The following NXPE2 variants were observed in gnomAD, a reference collection of about 807,000 sequenced individuals.
NXPE2 encodes the protein neurexophilin and PC-esterase domain family member 2.
A neutral mutation model predicts 34.4 loss-of-function variants in NXPE2; 34 were observed. The observed-to-expected ratio is 0.99, with a 90% CI of 0.75 to 1.31. NXPE2 has a LOEUF of 1.31. NXPE2 is among the 40% of genes most tolerant of loss of function. The pLI is 0.00. For synonymous variants in NXPE2, 235 were observed against 231.3 expected (o/e 1.02, Z -0.15); for missense variants, 649 against 672.5 (o/e 0.97, Z 0.39).
At chr11:114,547,123 C>T in the NXPE2 span, among the ~76,000 whole-genome samples, 2 of 152,060 alleles carry the variant, frequency 1.3e-5, no homozygotes, top group African/African-American at 4.8e-5. Flanking sequence ...TGAAAGAGTA[C>T]AGTAAAGAGC....
At chr11:114,661,262 TA>T in the NXPE2 span, among the ~76,000 whole-genome samples, 1 of 152,168 alleles carries the variant, frequency 6.6e-6, no homozygotes, top group Non-Finnish European at 1.5e-5. Flanking sequence ...TTTTAAAATT[TA>T]TGTTGAAAGG....
At chr11:114,744,147 T>C in the NXPE2 span, among the ~76,000 whole-genome samples, 1 of 152,184 alleles carries the variant, frequency 6.6e-6, no homozygotes, top group Non-Finnish European at 1.5e-5. Flanking sequence ...ATGTGGTCTT[T>C]GGTATTCACT....
chr11:114,767,482 C>T, the NXPE2 span, among the ~76,000 whole-genome samples: 3 of 152,186 alleles, frequency 2.0e-5, no homozygotes, highest in Non-Finnish European at 4.4e-5. Flanking sequence ...CTTGCAGTTT[C>T]CATTCGCCAA....
the NXPE2 span, among the ~76,000 whole-genome samples, chr11:114,592,618 C>G: frequency 1.3e-5 from 2 of 152,114 alleles, no homozygotes; most frequent in African/African-American, 4.8e-5. Context: ...AAGCAATCTA[C>G]AGATTCAAGG....
rs114674898 is a variant in NXPE2, at chr11:114,682,864, T to C, written c.132+3102T>C. On this transcript the variant is annotated intron_variant, in intron 2 of 5. Transcript: ENST00000389586. ...CCTGAGGAGGAAAAAAAAAAACTTA[T>C]AGGAACTGAAAATGAGTTGAAGGGT... is the stretch of plus-strand genomic sequence containing the variant. 9.1e-3 allele frequency among the ~76,000 whole-genome samples: 1,379 copies of C among 151,538 alleles called. 19 individuals are homozygous for C. The highest frequency in any genetic ancestry group is 0.032 in the African/African-American group (1,321 of 41,372).
At chr11:114,503,151 T>C in the NXPE2 span, among the ~76,000 whole-genome samples, 1 of 150,282 alleles carries the variant, frequency 6.7e-6, no homozygotes, top group Non-Finnish European at 1.5e-5. Flanking sequence ...TATTTGGGGG[T>C]GTAAGTCCTG....
chr11:114,578,012 T>C, the NXPE2 span, among the ~76,000 whole-genome samples: 75 of 152,338 alleles, frequency 4.9e-4, 1 homozygote, highest in African/African-American at 1.7e-3. Context: ...GACACATGAA[T>C]AGAATAAAAT....
the NXPE2 span, among the ~76,000 whole-genome samples, chr11:114,548,882 A>G: frequency 3.3e-5 from 5 of 151,978 alleles, no homozygotes; most frequent in Non-Finnish European, 7.4e-5. Context: ...GAAAGAATAA[A>G]AAATAAAAAA....
the NXPE2 span, among the ~76,000 whole-genome samples, chr11:114,526,901 A>T: frequency 6.6e-6 from 1 of 152,116 alleles, no homozygotes. Context: ...TAAATCCAGC[A>T]ACACTACCCA....
chr11:114,696,030 A>G (rs73564321), intron 2 of NXPE2, among the ~76,000 whole-genome samples: 5,546 of 151,536 alleles, frequency 0.037, 342 homozygotes, highest in African/African-American at 0.12. Context: ...TTAAGAAAAA[A>G]AAGAAGAAGA....
the NXPE2 span, among the ~76,000 whole-genome samples, chr11:114,767,982 A>G: frequency 6.6e-6 from 1 of 152,136 alleles, no homozygotes. Context: ...TAATAATAGT[A>G]AAAAATGATG....
chr11:114,781,222 C>T, the NXPE2 span, among the ~76,000 whole-genome samples: 1 of 152,176 alleles, frequency 6.6e-6, no homozygotes, highest in African/African-American at 2.4e-5. Context: ...CTTCCCCTAC[C>T]TCCTGAACCT....
At chr11:114,632,027 A>G in the NXPE2 span, among the ~76,000 whole-genome samples, 1 of 146,894 alleles carries the variant, frequency 6.8e-6, no homozygotes, top group African/African-American at 2.5e-5. Flanking sequence ...TAATAATTAT[A>G]CTTTATATAT....
chr11:114,584,754 C>T, the NXPE2 span: 1 of 152,690 alleles, frequency 6.5e-6, no homozygotes, highest in Non-Finnish European at 1.5e-5. Context: ...CTCCCAAACC[C>T]TCAGATTTTA....
the NXPE2 span, among the ~76,000 whole-genome samples, chr11:114,739,056 A>G: frequency 6.6e-6 from 1 of 152,216 alleles, no homozygotes; most frequent in African/African-American, 2.4e-5. Context: ...TAACAACTCT[A>G]TAATTCCAAG....
At chr11:114,748,269 G>T in the NXPE2 span, among the ~76,000 whole-genome samples, 3 of 152,136 alleles carry the variant, frequency 2.0e-5, no homozygotes, top group African/African-American at 7.2e-5. Context: ...TTGCCTATGT[G>T]TTGCTCCTTT....
chr11:114,689,151 T>C (rs991896554), intron 2 of NXPE2, among the ~76,000 whole-genome samples: 1 of 152,066 alleles, frequency 6.6e-6, no homozygotes, highest in Admixed American at 6.6e-5. Context: ...AGTTCTTGTT[T>C]TTCTATTTCC....
chr11:114,784,753 T>C, the NXPE2 span, among the ~76,000 whole-genome samples: 1 of 152,184 alleles, frequency 6.6e-6, no homozygotes, highest in Non-Finnish European at 1.5e-5. Flanking sequence ...AAGATTCCTC[T>C]GAGGCAAAGA....
At chr11:114,683,622 T>C (rs1282868314) in intron 2 of NXPE2, among the ~76,000 whole-genome samples, 1 of 152,190 alleles carries the variant, frequency 6.6e-6, no homozygotes, top group African/African-American at 2.4e-5. Context: ...GGTTTCACCA[T>C]GTTGGCCAGG....
Sources: gnomAD v4.1 joint callset for allele counts (sites outside exome capture counted in the v4.1 genomes callset) on GRCh38, gnomAD v4.1.1 for gene constraint, MANE v1.5 for transcripts, NCBI Gene and HGNC (gene_info 2026-07-23, HGNC 2026-07-21) for gene names.